Variants in KIAA1217 observed in about 807,000 individuals in gnomAD.
KIAA1217 encodes sickle tail protein homolog.
In KIAA1217, 88 loss-of-function variants were observed where a neutral mutation model predicts 163.9. The observed-to-expected ratio is 0.54, with a 90% CI of 0.45 to 0.64. The LOEUF is 0.64. KIAA1217 is among the 30% of genes least tolerant of loss of function. The probability of loss-of-function intolerance (pLI) is 0.00; values close to 1 mark genes in which losing one functional copy is unlikely to be tolerated. For missense variants in KIAA1217, 2,372 were observed against 2,475.0 expected (o/e 0.96, Z 0.88); for synonymous variants, 903 against 923.1 (o/e 0.98, Z 0.39).
chr10:23,790,613 A>G (rs577058397), intron 1 of KIAA1217, among the ~76,000 whole-genome samples: 1 of 126,316 alleles, frequency 7.9e-6, no homozygotes, highest in African/African-American at 3.3e-5. Context: ...ATATATACAT[A>G]TGTATATATA....
At chr10:24,073,550 G>A (rs2061264198) in intron 2 of KIAA1217, among the ~76,000 whole-genome samples, 1 of 152,194 alleles carries the variant, frequency 6.6e-6, no homozygotes, top group Non-Finnish European at 1.5e-5. Context: ...AACATGTCGA[G>A]GGCTTAGGTC....
chr10:24,165,135 T>C (rs116461819), intron 2 of KIAA1217, among the ~76,000 whole-genome samples: 299 of 152,306 alleles, frequency 2.0e-3, no homozygotes, highest in African/African-American at 7.1e-3. Context: ...CCAACTGTAC[T>C]TACACTGCAT....
chr10:24,231,677 A>G (rs1312380532), intron 2 of KIAA1217, among the ~76,000 whole-genome samples: 1 of 152,212 alleles, frequency 6.6e-6, no homozygotes, highest in Non-Finnish European at 1.5e-5. Flanking sequence ...CAAAAGTAAA[A>G]AAGAAAAAAA....
chr10:23,905,528 A>G (rs188354337), intron 1 of KIAA1217, among the ~76,000 whole-genome samples: 57 of 152,178 alleles, frequency 3.7e-4, no homozygotes, highest in African/African-American at 1.3e-3. Flanking sequence ...GTGGGGAGGG[A>G]GGACCCAGGG....
rs377700684 is a variant in KIAA1217, at chr10:23,841,281, C to T, written c.-321+146047C>T. ...TGTAAAAGCTGGAGGGAAGACCATT[C>T]CAGAAAGAAAAAAACAACAACTGTA... On this transcript the variant is annotated intron_variant, in intron 1 of 18. Transcript: ENST00000376462. Among the ~76,000 whole-genome samples, 32 of 152,016 alleles carry T rather than the reference C, an allele frequency of 2.1e-4. 1 individual carries two copies. The highest frequency in any genetic ancestry group is 9.7e-4 in the East Asian group (5 of 5,172).
chr10:23,854,700 G>A (rs1201409443), intron 1 of KIAA1217, among the ~76,000 whole-genome samples: 2 of 152,156 alleles, frequency 1.3e-5, no homozygotes, highest in East Asian at 1.9e-4. Flanking sequence ...GAGTGCTCTT[G>A]TATTGGGTGC....
intron 2 of KIAA1217, among the ~76,000 whole-genome samples, chr10:24,346,872 G>A (rs781291465): frequency 1.3e-5 from 2 of 152,108 alleles, no homozygotes; most frequent in Non-Finnish European, 2.9e-5. Flanking sequence ...CAACCAGCCA[G>A]GTTTTGTTGG....
At chr10:24,302,333 A>G (rs1244303138) in intron 2 of KIAA1217, among the ~76,000 whole-genome samples, 1 of 152,154 alleles carries the variant, frequency 6.6e-6, no homozygotes, top group Non-Finnish European at 1.5e-5. Flanking sequence ...CCACTCCTGG[A>G]TTCCTTAGCT....
intron 1 of KIAA1217, among the ~76,000 whole-genome samples, chr10:23,833,479 T>TAA (rs1278632576): frequency 2.7e-4 from 34 of 124,640 alleles, no homozygotes; most frequent in Admixed American, 7.6e-4. Flanking sequence ...TGAGACTGTC[T>TAA]AAAAAAAAAA....
At chr10:24,045,558 TAGG>T (rs1467092895) in intron 2 of KIAA1217, among the ~76,000 whole-genome samples, 1 of 152,146 alleles carries the variant, frequency 6.6e-6, no homozygotes, top group African/African-American at 2.4e-5. Flanking sequence ...TGAGTTTTTC[TAGG>T]AGATTTTCTT....
At chr10:24,090,636 C>T (rs199579105) in intron 2 of KIAA1217, among the ~76,000 whole-genome samples, 2 of 151,614 alleles carry the variant, frequency 1.3e-5, no homozygotes, top group African/African-American at 4.9e-5. Context: ...GAGAAGTGAT[C>T]TTTAATCCAC....
chr10:24,017,040 G>GTTTTTTTTT (rs35042335), intron 2 of KIAA1217, among the ~76,000 whole-genome samples: 32 of 130,224 alleles, frequency 2.5e-4, no homozygotes, highest in African/African-American at 5.0e-4. Flanking sequence ...TAGTTTTTTT[G>GTTTTTTTTT]TTTTTTTTTT....
chr10:24,023,250 CAT>C (rs1364679728), intron 2 of KIAA1217, among the ~76,000 whole-genome samples: 1 of 151,688 alleles, frequency 6.6e-6, no homozygotes, highest in African/African-American at 2.4e-5. Context: ...TATAGTCAAA[CAT>C]GTGAAGAAAC....
At chr10:24,072,303 A>G (rs924705922) in intron 2 of KIAA1217, among the ~76,000 whole-genome samples, 1 of 152,178 alleles carries the variant, frequency 6.6e-6, no homozygotes, top group African/African-American at 2.4e-5. Flanking sequence ...TGCTAGAGTT[A>G]TAAGCATGAA....
chr10:23,987,428 C>A (rs9418447), intron 1 of KIAA1217, among the ~76,000 whole-genome samples: 1,577 of 139,292 alleles, frequency 0.011, 34 homozygotes, highest in Admixed American at 0.023. Flanking sequence ...TAAAAAAAAA[C>A]CCATCATTTT....
intron 3 of KIAA1217, among the ~76,000 whole-genome samples, chr10:24,428,574 T>A (rs955223653): frequency 9.2e-5 from 14 of 152,164 alleles, no homozygotes; most frequent in African/African-American, 3.4e-4. Flanking sequence ...GCAAAAGCTC[T>A]TATAGCTCAG....
intron 2 of KIAA1217, among the ~76,000 whole-genome samples, chr10:24,073,383 G>A (rs1020334587): frequency 6.6e-5 from 10 of 152,102 alleles, no homozygotes; most frequent in Non-Finnish European, 1.3e-4. Flanking sequence ...ATAGTCAAGG[G>A]CATATTGAGC....
intron 1 of KIAA1217, among the ~76,000 whole-genome samples, chr10:23,702,969 G>T (rs1176817847): frequency 6.6e-6 from 1 of 151,860 alleles, no homozygotes; most frequent in African/African-American, 2.4e-5. Flanking sequence ...CTTGTGATCC[G>T]CCCGCCTCGG....
intron 1 of KIAA1217, among the ~76,000 whole-genome samples, chr10:23,961,971 C>A (rs1844836557): frequency 6.6e-6 from 1 of 152,182 alleles, no homozygotes; most frequent in African/African-American, 2.4e-5. Context: ...TTATAGTTCA[C>A]CCTAATGATC....
Sources: allele counts gnomAD v4.1 joint callset (sites outside exome capture counted in the v4.1 genomes callset), GRCh38; gene constraint gnomAD v4.1.1; transcripts MANE v1.5; gene names NCBI Gene and HGNC (gene_info 2026-07-23, HGNC 2026-07-21).